SYT1: variants seen among roughly 807,000 people sequenced by gnomAD.
The protein encoded by SYT1 is synaptotagmin-1.
A neutral mutation model predicts 44.8 loss-of-function variants in SYT1; 8 were observed. The observed-to-expected ratio is 0.18, with a 90% CI of 0.10 to 0.32. The LOEUF (loss-of-function observed/expected upper bound fraction) is 0.32, where lower values mean the gene tolerates loss of function less well. Ranked by LOEUF, SYT1 falls within the 10% of genes least tolerant of loss-of-function variation. SYT1 has a pLI of 1.00. For missense variants in SYT1, 286 were observed against 509.3 expected (o/e 0.56, Z 4.22); for synonymous variants, 154 against 188.8 (o/e 0.82, Z 1.51).
intron 1 of SYT1, among the ~76,000 whole-genome samples, chr12:78,971,085 A>G (rs1868367607): frequency 1.3e-5 from 2 of 152,072 alleles, no homozygotes; most frequent in Admixed American, 1.3e-4. Flanking sequence ...AATTGCTTGA[A>G]CCCAGGTGGT....
chr12:79,091,128 G>A (rs1333382340), intron 3 of SYT1, among the ~76,000 whole-genome samples: 1 of 151,920 alleles, frequency 6.6e-6, no homozygotes, highest in Non-Finnish European at 1.5e-5. Flanking sequence ...ATGCCAAAGA[G>A]GCACGCTTTG....
chr12:79,283,069 C>A (rs1230704994), intron 4 of SYT1, among the ~76,000 whole-genome samples: 2 of 152,058 alleles, frequency 1.3e-5, no homozygotes, highest in East Asian at 1.9e-4. Flanking sequence ...ACATGAGCAT[C>A]CAAGTAACTC....
chr12:79,307,937 C>G (rs1880494762), intron 8 of SYT1, among the ~76,000 whole-genome samples: 1 of 152,170 alleles, frequency 6.6e-6, no homozygotes, highest in Admixed American at 6.5e-5. Flanking sequence ...GACAGCTTTT[C>G]AGATAGTGAA....
chr12:79,427,197 A>G (rs1449039639), intron 9 of SYT1, among the ~76,000 whole-genome samples: 24 of 152,212 alleles, frequency 1.6e-4, no homozygotes, highest in Admixed American at 1.6e-3. Flanking sequence ...TCCAATCTGG[A>G]ACAGTACCTG....
chr12:79,131,129 T>G (rs1868788276), intron 3 of SYT1, among the ~76,000 whole-genome samples: 1 of 152,068 alleles, frequency 6.6e-6, no homozygotes, highest in Non-Finnish European at 1.5e-5. Context: ...TTTTTTTTTT[T>G]TCTTTGCCCA....
At chr12:78,964,637 G>A (rs1377831218) in intron 1 of SYT1, among the ~76,000 whole-genome samples, 1 of 152,106 alleles carries the variant, frequency 6.6e-6, no homozygotes, top group Non-Finnish European at 1.5e-5. Flanking sequence ...TTATAAAACT[G>A]TAGTCATACA....
chr12:78,919,697 C>T (rs531500847), intron 1 of SYT1, among the ~76,000 whole-genome samples: 12 of 152,098 alleles, frequency 7.9e-5, no homozygotes, highest in African/African-American at 2.9e-4. Flanking sequence ...TCTGTAACTC[C>T]CTGCCTCCAA....
chr12:79,129,788 G>A (rs185909422), intron 3 of SYT1, among the ~76,000 whole-genome samples: 8 of 152,064 alleles, frequency 5.3e-5, no homozygotes, highest in East Asian at 1.9e-4. Flanking sequence ...GGGAGGAGGC[G>A]GTGGCTTTTA....
intron 2 of SYT1, among the ~76,000 whole-genome samples, chr12:79,039,448 G>A (rs1873365785): frequency 6.6e-6 from 1 of 151,912 alleles, no homozygotes; most frequent in African/African-American, 2.4e-5. Context: ...CCTTTGCTAT[G>A]TTCACTTTCT....
chr12:79,224,703 T>G (rs1260270941), intron 4 of SYT1, among the ~76,000 whole-genome samples: 2 of 151,550 alleles, frequency 1.3e-5, no homozygotes, highest in African/African-American at 2.4e-5. Context: ...TGTCCCATGA[T>G]CTGACGGGTG....
At chr12:79,037,567 G>C (rs907466499) in intron 2 of SYT1, among the ~76,000 whole-genome samples, 2 of 151,642 alleles carry the variant, frequency 1.3e-5, no homozygotes, top group African/African-American at 4.8e-5. Flanking sequence ...ATGAGAGCGG[G>C]CTTGTAGACT....
chr12:79,088,383 C>T (rs531927424), intron 3 of SYT1, among the ~76,000 whole-genome samples: 4 of 152,156 alleles, frequency 2.6e-5, no homozygotes, highest in South Asian at 2.1e-4. Flanking sequence ...GCATACAAAA[C>T]GATACTAGTA....
At chr12:78,953,248 T>C (rs1269269014) in intron 1 of SYT1, among the ~76,000 whole-genome samples, 1 of 151,998 alleles carries the variant, frequency 6.6e-6, no homozygotes, top group Admixed American at 6.6e-5. Flanking sequence ...GAATGAATGA[T>C]ATAGGGAAGA....
At chr12:79,154,442 A>C (rs539356083) in intron 3 of SYT1, among the ~76,000 whole-genome samples, 5 of 151,726 alleles carry the variant, frequency 3.3e-5, no homozygotes, top group East Asian at 3.9e-4. Flanking sequence ...TCTGAGGGAC[A>C]GAGAAGTTAA....
intron 1 of SYT1, among the ~76,000 whole-genome samples, chr12:78,893,885 C>T (rs1327669849): frequency 1.3e-5 from 2 of 151,560 alleles, no homozygotes; most frequent in Non-Finnish European, 3.0e-5. Context: ...CTGCATTTCT[C>T]CTGAAGACCT....
At chr12:78,868,482 AT>A (rs1385153609) in intron 1 of SYT1, among the ~76,000 whole-genome samples, 4 of 151,832 alleles carry the variant, frequency 2.6e-5, no homozygotes, top group African/African-American at 9.7e-5. Flanking sequence ...TTTAGCTGAA[AT>A]TTTTTCACTG....
chr12:79,062,138 G>A (rs1485443231), intron 3 of SYT1, among the ~76,000 whole-genome samples: 1 of 152,038 alleles, frequency 6.6e-6, no homozygotes, highest in Admixed American at 6.6e-5. Context: ...ATGACATTTT[G>A]TTGTTATTTT....
chr12:79,270,154 A>G (rs1325757742), intron 4 of SYT1, among the ~76,000 whole-genome samples: 1 of 152,220 alleles, frequency 6.6e-6, no homozygotes, highest in Non-Finnish European at 1.5e-5. Flanking sequence ...AGACTTTGAA[A>G]AAGATTTTTT....
intron 9 of SYT1, among the ~76,000 whole-genome samples, chr12:79,387,156 C>T (rs1260511013): frequency 6.6e-6 from 1 of 152,156 alleles, no homozygotes; most frequent in Non-Finnish European, 1.5e-5. Flanking sequence ...TCTTTCTACC[C>T]TCTCTTACCC....
Sources: allele counts gnomAD v4.1 joint callset (sites outside exome capture counted in the v4.1 genomes callset), GRCh38; gene constraint gnomAD v4.1.1; transcripts MANE v1.5; gene names NCBI Gene and HGNC (gene_info 2026-07-23, HGNC 2026-07-21).